The following KCTD12 variants were observed in gnomAD, a reference collection of about 807,000 sequenced individuals.
The protein encoded by KCTD12 is potassium channel tetramerization domain containing 12, also known as BTB/POZ domain-containing protein KCTD12.
KCTD12 carries 16 observed loss-of-function variants against 22.6 expected under a neutral mutation model. The observed-to-expected ratio is 0.71, with a 90% CI of 0.48 to 1.07. The LOEUF is 1.07. Among genes scored for constraint, KCTD12 ranks in the 50% least tolerant of loss-of-function variants. The pLI, the probability that KCTD12 is intolerant of heterozygous loss-of-function variation, is 0.00. For synonymous variants in KCTD12, 260 were observed against 228.0 expected (o/e 1.14, Z -1.26); for missense variants, 452 against 469.2 (o/e 0.96, Z 0.34).
chr13:76,885,272 C>A lies in KCTD12; in HGVS notation c.877G>T (p.Ala293Ser). ...GCGCAGGTGCCCGTGGAGCTGCACG[C>A]CACCATGTGGAAGCCCGACTCGGAC... ...KLSESGFHMV[A>S]CSSTGTCAFA... The change falls in exon 1 of 1, where the codon GCG becomes TCG. Residue 293 changes from alanine to serine, a missense_variant. Physicochemically the swap from Ala to Ser is moderately conservative, Grantham distance 99 (BLOSUM62 1). This residue lies in a region of KCTD12 where 122 missense variants were observed against 172.8 expected (regional missense o/e 0.71). Coordinates refer to ENST00000377474, the MANE Select transcript of KCTD12 (RefSeq NM_138444.4). The surrounding 1 kb of genome is among the most constrained non-coding windows in gnomAD (Gnocchi z 5.1). 1 of 1,614,004 alleles carries A rather than the reference C, an allele frequency of 6.2e-7. No homozygotes were observed.
At position 76,885,670 on chromosome 13, in the gene KCTD12, C is replaced by T. The variant is rs1449686856; in HGVS notation, c.479G>A (p.Gly160Asp). ...CTCCTGCTGTTCGGGCTCCGAGTAGCCAAGCGGCAGCAGCTCGTCACCCAG... is the reference window on the plus strand; with the variant it reads ...CTCCTGCTGTTCGGGCTCCGAGTAGTCAAGCGGCAGCAGCTCGTCACCCAG... ...GSLGDELLPL[G>D]YSEPEQQEGA... is the part of the protein sequence containing the mutation. Residue 160 changes from glycine to aspartate, a missense_variant, in exon 1 of 1, where the codon GGC becomes GAC. This residue lies in a region of KCTD12 where 330 missense variants were observed against 296.5 expected (regional missense o/e 1.11). Transcript: ENST00000377474. The surrounding 1 kb of genome is among the most constrained non-coding windows in gnomAD (Gnocchi z 5.1). The T allele has an allele frequency of 1.4e-6, 2 of 1,462,966 alleles. No individual in the cohort carries two copies. The highest frequency in any genetic ancestry group is 1.8e-6 in the Non-Finnish European group (2 of 1,120,700). 90.6% of individuals were successfully genotyped at this position (1,462,966 alleles called of 1,614,324 possible).
chr13:76,881,127 C>T lies in KCTD12; in HGVS notation c.*4044G>A, dbSNP rs1326129420. ...TTATTTCTCAAGAGACAGACTTATG[C>T]CATCTAAGAAAATGAATTCAGTTTT... On this transcript the variant is annotated 3_prime_UTR_variant, in exon 1 of 1. Transcript: ENST00000377474. 1.3e-5 allele frequency: 2 copies of T among 152,000 alleles called. No individual in the cohort carries two copies. Among genetic ancestry groups the T allele is most frequent in the Non-Finnish European group, 2.9e-5 (2 of 67,958 alleles). 9.4% of individuals were successfully genotyped at this position (152,000 alleles called of 1,614,324 possible).
Position 76,882,030 on chromosome 13 carries a change from T to C in KCTD12, c.*3141A>G, listed in dbSNP as rs1446729972. The C allele has an allele frequency of 2.6e-5, 4 of 152,202 alleles. No homozygotes were observed. Among genetic ancestry groups the C allele is most frequent in the African/African-American group, 9.6e-5 (4 of 41,452 alleles). 9.4% of individuals were successfully genotyped at this position (152,202 alleles called of 1,614,324 possible). ...AATTTATGACATTCTCCCAGGTTAT[T>C]TGAATGGTATCTTTGGAGGGCTTAC... On this transcript the variant is annotated 3_prime_UTR_variant, in exon 1 of 1. Transcript: ENST00000377474.
chr13:76,884,957 A>T lies in KCTD12; in HGVS notation c.*214T>A. On this transcript the variant is annotated 3_prime_UTR_variant, in exon 1 of 1. Transcript: ENST00000377474. Reference sequence around the variant, plus strand: ...GGGTTCCTCTGGGTTCTCTCGGTTCAGGAGGTCCAAAGAAGACGAAGCAGC... The same window carrying T: ...GGGTTCCTCTGGGTTCTCTCGGTTCTGGAGGTCCAAAGAAGACGAAGCAGC... 1.8e-6 allele frequency: 1 copy of T among 561,828 alleles called. No individual in the cohort carries two copies. The highest frequency in any genetic ancestry group is 3.1e-5 in the East Asian group (1 of 32,766). The allele number at this position is 561,828 out of a possible 1,614,324, so 34.8% of individuals were successfully genotyped here.
chr13:76,886,288 A>ACTGCCACCGCCACCG lies in KCTD12; in HGVS notation c.-141_-140insCGGTGGCGGTGGCAG. On this transcript the variant is annotated 5_prime_UTR_variant, in exon 1 of 1. Coordinates refer to ENST00000377474, the MANE Select transcript of KCTD12 (RefSeq NM_138444.4). ...CGCCGCCGCCGCCGCCACCGCCGCC[A>ACTGCCACCGCCACCG]CCGCCACCGCCGCCACCTCCTAGAG... The ACTGCCACCGCCACCG allele has an allele frequency of 9.5e-7, 1 of 1,047,780 alleles. No individual in the cohort carries two copies. Among genetic ancestry groups the ACTGCCACCGCCACCG allele is most frequent in the South Asian group, 2.8e-5 (1 of 35,458 alleles). 64.9% of individuals were successfully genotyped at this position (1,047,780 alleles called of 1,614,324 possible).
Position 76,886,165 on chromosome 13 carries a change from G to A in KCTD12, c.-17C>T, listed in dbSNP as rs569134192. 1.1e-4 allele frequency: 165 copies of A among 1,460,426 alleles called. 1 individual carries two copies. In the South Asian group the frequency reaches 2.1e-3, roughly 18 times the overall value. 90.5% of individuals were successfully genotyped at this position (1,460,426 alleles called of 1,614,324 possible). A position where few individuals can be genotyped will look rare whatever the true frequency, so the allele number is the denominator to read the frequency against. ...CAGAGCCATGACAGAGAGGTGGCCG[G>A]GCCGGGACAGTGGCAGGAAGCCGCG... On this transcript the variant is annotated 5_prime_UTR_variant, in exon 1 of 1. Transcript: ENST00000377474.
At position 76,886,282 on chromosome 13, in the gene KCTD12, GCCGCCA is replaced by G. The variant is rs1319417916; in HGVS notation, c.-140_-135del. On this transcript the variant is annotated 5_prime_UTR_variant, in exon 1 of 1. Coordinates refer to ENST00000377474, the MANE Select transcript of KCTD12 (RefSeq NM_138444.4). ...CCCCGCCGCCGCCGCCGCCGCCACC[GCCGCCA>G]CCGCCACCGCCGCCACCTCCTAGAG... is the stretch of plus-strand genomic sequence containing the variant. 9.5e-5 allele frequency: 104 copies of G among 1,092,640 alleles called. No individual in the cohort carries two copies. In the Middle Eastern group the frequency reaches 1.3e-3, roughly 14 times the overall value. The allele number at this position is 1,092,640 out of a possible 1,614,324, so 67.7% of individuals were successfully genotyped here.
Position 76,885,024 on chromosome 13 carries a change from TG to T in KCTD12, c.*146del. The T allele has an allele frequency of 1.2e-6, 1 of 823,508 alleles. No individual in the cohort carries two copies. Among genetic ancestry groups the T allele is most frequent in the Non-Finnish European group, 1.9e-6 (1 of 537,220 alleles). The allele number at this position is 823,508 out of a possible 1,614,324, so 51.0% of individuals were successfully genotyped here. On this transcript the variant is annotated 3_prime_UTR_variant, in exon 1 of 1. Transcript: ENST00000377474. This position sits in a 1 kb window ranked among gnomAD's most constrained non-coding sequence, Gnocchi z 5.1. ...TGCAGGTTCTGTAGTGGAGGGAAGGTGGGCGGACAGGTCTCACCCAGCTACT... is the reference window on the plus strand; with the variant it reads ...TGCAGGTTCTGTAGTGGAGGGAAGGTGGCGGACAGGTCTCACCCAGCTACT...
Position 76,886,258 on chromosome 13 carries a change from C to G in KCTD12, c.-110G>C. ...CCCGGACGCTCGCTCAGCCCTGCGCCCCGCCGCCGCCGCCGCCGCCACCGC... is the reference window on the plus strand; with the variant it reads ...CCCGGACGCTCGCTCAGCCCTGCGCGCCGCCGCCGCCGCCGCCGCCACCGC... On this transcript the variant is annotated 5_prime_UTR_variant, in exon 1 of 1. Coordinates refer to ENST00000377474, the MANE Select transcript of KCTD12 (RefSeq NM_138444.4). The G allele has an allele frequency of 8.2e-7, 1 of 1,216,258 alleles. No homozygotes were observed. The highest frequency in any genetic ancestry group is 1.0e-6 in the Non-Finnish European group (1 of 956,824). The allele number at this position is 1,216,258 out of a possible 1,614,324, so 75.3% of individuals were successfully genotyped here. A position where few individuals can be genotyped will look rare whatever the true frequency, so the allele number is the denominator to read the frequency against.
Position 76,885,069 on chromosome 13 carries a change from GA to G in KCTD12, c.*101del. 7.4e-7 allele frequency: 1 copy of G among 1,346,464 alleles called. No homozygotes were observed. The highest frequency in any genetic ancestry group is 1.0e-6 in the Non-Finnish European group (1 of 986,596). 83.4% of individuals were successfully genotyped at this position (1,346,464 alleles called of 1,614,324 possible). On this transcript the variant is annotated 3_prime_UTR_variant, in exon 1 of 1. Transcript: ENST00000377474. The surrounding 1 kb of genome is among the most constrained non-coding windows in gnomAD (Gnocchi z 5.1). ...AGCTACTACTGGAGGGGGAGAATGGGAGGGCAGCAGCCAGGGGACAAAGGTG... is the reference window on the plus strand; with the variant it reads ...AGCTACTACTGGAGGGGGAGAATGGGGGGCAGCAGCCAGGGGACAAAGGTG...
rs1372482115 is a variant in KCTD12 at position 76,882,142 on chromosome 13, CAAAG to C, written c.*3025_*3028del. On this transcript the variant is annotated 3_prime_UTR_variant, in exon 1 of 1. Coordinates refer to ENST00000377474, the MANE Select transcript of KCTD12 (RefSeq NM_138444.4). The stretch of plus-strand genomic sequence containing the variant: ...GGCCTCAAAGGTTCATTCTGTGGCC[CAAAG>C]CCCATGGAGGGGAAGGGATCTAAAG... The C allele has an allele frequency of 2.6e-5, 4 of 152,174 alleles. No homozygotes were observed. The highest frequency in any genetic ancestry group is 5.9e-5 in the Non-Finnish European group (4 of 68,038). The allele number at this position is 152,174 out of a possible 1,614,324, so 9.4% of individuals were successfully genotyped here. A position where few individuals can be genotyped will look rare whatever the true frequency, so the allele number is the denominator to read the frequency against.
Position 76,885,072 on chromosome 13 carries a change from G to T in KCTD12, c.*99C>A, listed in dbSNP as rs1003436669. Reference sequence around the variant, plus strand: ...TACTACTGGAGGGGGAGAATGGGAGGGCAGCAGCCAGGGGACAAAGGTGGG... The same window carrying T: ...TACTACTGGAGGGGGAGAATGGGAGTGCAGCAGCCAGGGGACAAAGGTGGG... On this transcript the variant is annotated 3_prime_UTR_variant, in exon 1 of 1. Transcript: ENST00000377474. This position sits in a 1 kb window ranked among gnomAD's most constrained non-coding sequence, Gnocchi z 5.1. 1.5e-6 allele frequency: 2 copies of T among 1,371,382 alleles called. No homozygotes were observed. 85.0% of individuals were successfully genotyped at this position (1,371,382 alleles called of 1,614,324 possible).
At position 76,885,999 on chromosome 13, in the gene KCTD12, G is replaced by A; in HGVS notation, c.150C>T (p.Cys50=). 1 of 1,590,572 alleles carries A rather than the reference G, an allele frequency of 6.3e-7. No homozygotes were observed. Among genetic ancestry groups the A allele is most frequent in the South Asian group, 1.1e-5 (1 of 89,008 alleles). Residue 50 remains cysteine (C), a synonymous_variant, in exon 1 of 1, where the codon TGC becomes TGT. Coordinates refer to ENST00000377474, the MANE Select transcript of KCTD12 (RefSeq NM_138444.4). The surrounding 1 kb of genome is among the most constrained non-coding windows in gnomAD (Gnocchi z 5.1). The part of the protein sequence containing the change: ...VGGQVYVTRR[C]TVVSVPDSLL... The stretch of plus-strand genomic sequence containing the variant: ...GCGAGTCGGGCACCGACACCACCGT[G>A]CAGCGCCGGGTCACGTACACCTGGC...
chr13:76,886,085 AGCCAC>A lies in KCTD12; in HGVS notation c.59_63del (p.Ser20IlefsTer133). The A allele has an allele frequency of 6.6e-7, 1 of 1,519,712 alleles. No individual in the cohort carries two copies. Among genetic ancestry groups the A allele is most frequent in the Non-Finnish European group, 8.9e-7 (1 of 1,127,906 alleles). The allele number at this position is 1,519,712 out of a possible 1,614,324, so 94.1% of individuals were successfully genotyped here. A position where few individuals can be genotyped will look rare whatever the true frequency, so the allele number is the denominator to read the frequency against. ...GGTGGCTCCGCGGAGGACGACGAGG[AGCCAC>A]TGCCGCCCCCGCCGCCGCCCCCGTT... On this transcript the variant is annotated frameshift_variant, in exon 1 of 1. Coordinates refer to ENST00000377474, the MANE Select transcript of KCTD12 (RefSeq NM_138444.4). LOFTEE classifies it high-confidence loss of function.
In KCTD12 at chr13:76,885,728, G is replaced by T. The variant is rs1245953631; in HGVS notation, c.421C>A (p.Pro141Thr). 9.9e-6 allele frequency: 14 copies of T among 1,407,846 alleles called. No individual in the cohort carries two copies. Among genetic ancestry groups the T allele is most frequent in the Non-Finnish European group, 1.3e-5 (14 of 1,095,070 alleles). 87.2% of individuals were successfully genotyped at this position (1,407,846 alleles called of 1,614,324 possible). ...TCCTTGTGCACCCCGCGCCGCGAGGGCGGCGGCCCCGGGCCGGGCTGCTGG... is the reference window on the plus strand; with the variant it reads ...TCCTTGTGCACCCCGCGCCGCGAGGTCGGCGGCCCCGGGCCGGGCTGCTGG... ...APQQPGPGPP[P>T]SRRGVHKEGS... is the part of the protein sequence containing the mutation. The change falls in exon 1 of 1, where the codon CCC becomes ACC. Residue 141 changes from proline to threonine, a missense_variant. Pro to Thr is a conservative substitution (Grantham distance 38). Coordinates refer to ENST00000377474, the MANE Select transcript of KCTD12 (RefSeq NM_138444.4). The surrounding 1 kb of genome is among the most constrained non-coding windows in gnomAD (Gnocchi z 5.1).
At position 76,885,782 on chromosome 13, in the gene KCTD12, G is replaced by A. The variant is rs1304133103; in HGVS notation, c.367C>T (p.Pro123Ser). 1.3e-6 allele frequency: 2 copies of A among 1,577,328 alleles called. No homozygotes were observed. The highest frequency in any genetic ancestry group is 1.7e-6 in the Non-Finnish European group (2 of 1,171,458). The change falls in exon 1 of 1, where the codon CCA becomes TCA. Residue 123 changes from proline to serine, a missense_variant. Physicochemically the swap from Pro to Ser is moderately conservative, Grantham distance 74. Transcript: ENST00000377474. This position sits in a 1 kb window ranked among gnomAD's most constrained non-coding sequence, Gnocchi z 5.1. Reference protein sequence around the residue: ...LQREAEYFELPELVRRLGAPQ... With the variant: ...LQREAEYFELSELVRRLGAPQ... ...GCCCCGAGGCGGCGCACGAGCTCTG[G>A]CAGCTCGAAGTACTCGGCCTCGCGC...
Position 76,886,256 on chromosome 13 carries a change from G to GCCC in KCTD12, c.-111_-109dup. 1 of 1,272,188 alleles carries GCCC rather than the reference G, an allele frequency of 7.9e-7. No individual in the cohort carries two copies. Among genetic ancestry groups the GCCC allele is most frequent in the Non-Finnish European group, 1.0e-6 (1 of 1,000,968 alleles). The allele number at this position is 1,272,188 out of a possible 1,614,324, so 78.8% of individuals were successfully genotyped here. ...AACCCGGACGCTCGCTCAGCCCTGCGCCCCGCCGCCGCCGCCGCCGCCACC... is the reference window on the plus strand; with the variant it reads ...AACCCGGACGCTCGCTCAGCCCTGCGCCCCCCCGCCGCCGCCGCCGCCGCCACC... On this transcript the variant is annotated 5_prime_UTR_variant, in exon 1 of 1. Coordinates refer to ENST00000377474, the MANE Select transcript of KCTD12 (RefSeq NM_138444.4).
rs750320891 is a variant in KCTD12, at chr13:76,885,892, C to T, written c.257G>A (p.Gly86Asp). 2.1e-5 allele frequency: 33 copies of T among 1,596,894 alleles called. No individual in the cohort carries two copies. Among genetic ancestry groups the T allele is most frequent in the Non-Finnish European group, 8.5e-7 (1 of 1,179,308 alleles). ...SKGRFFLDRD[G>D]FLFRYILDYL... ...ATCCAGGATGTAGCGGAAGAGGAAG[C>T]CGTCCCGGTCCAGAAAGAAGCGGCC... The change falls in exon 1 of 1, where the codon GGC becomes GAC. Residue 86 changes from glycine to aspartate, a missense_variant. Physicochemically the swap from Gly to Asp is moderately conservative, Grantham distance 94. Around this residue, in one of 2 missense-constraint regions of KCTD12, gnomAD observed 330 missense variants for 296.5 expected, o/e 1.11. Coordinates refer to ENST00000377474, the MANE Select transcript of KCTD12 (RefSeq NM_138444.4). This position sits in a 1 kb window ranked among gnomAD's most constrained non-coding sequence, Gnocchi z 5.1.
chr13:76,881,360 T>C lies in KCTD12; in HGVS notation c.*3811A>G, dbSNP rs968761118. The C allele has an allele frequency of 2.0e-5, 3 of 152,646 alleles. No individual in the cohort carries two copies. Among genetic ancestry groups the C allele is most frequent in the Admixed American group, 2.0e-4 (3 of 15,284 alleles). The allele number at this position is 152,646 out of a possible 1,614,324, so 9.5% of individuals were successfully genotyped here. A position where few individuals can be genotyped will look rare whatever the true frequency, so the allele number is the denominator to read the frequency against. The stretch of plus-strand genomic sequence containing the variant: ...ATGTCTGCATTGTAATTTAGCATTT[T>C]GCATGTGGGAGTACACAAATGAATT... On this transcript the variant is annotated 3_prime_UTR_variant, in exon 1 of 1. Transcript: ENST00000377474.
Sources: allele counts gnomAD v4.1 joint callset, GRCh38; gene constraint gnomAD v4.1.1; regional missense constraint gnomAD v4.1.1; non-coding constraint Gnocchi (gnomAD v3.1); transcripts MANE v1.5; gene names NCBI Gene and HGNC (gene_info 2026-07-23, HGNC 2026-07-21).